Variants in PRRC2C observed in about 807,000 individuals in gnomAD.
PRRC2C encodes protein PRRC2C.
Under a neutral mutation model 317.2 loss-of-function variants are expected in PRRC2C, and 72 were observed. The ratio of observed to expected loss-of-function variants is 0.23; its 90% CI spans 0.19 to 0.28. The LOEUF is 0.28. Ranked by LOEUF, PRRC2C falls within the 10% of genes least tolerant of loss-of-function variation. The probability of loss-of-function intolerance (pLI) is 1.00; values close to 1 mark genes in which losing one functional copy is unlikely to be tolerated. For synonymous variants in PRRC2C, 1,296 were observed against 1,205.9 expected, an observed-to-expected ratio of 1.07 and a Z score of -1.55; for missense variants, 3,074 against 3,459.7, an observed-to-expected ratio of 0.89 and a Z score of 2.80.
intron 2 of PRRC2C, chr1:171,512,566 T>TGG (rs904988566): frequency 1.1e-5 from 3 of 270,588 alleles, no homozygotes; most frequent in African/African-American, 6.7e-5. Flanking sequence ...GTTTCGTGTG[T>TGG]GGGGGTGTGT....
In PRRC2C at chr1:171,540,788, C is replaced by T; in HGVS notation, c.3322C>T (p.Pro1108Ser). The T allele has an allele frequency of 6.2e-7, 1 of 1,613,884 alleles. No individual in the cohort carries two copies. Among genetic ancestry groups the T allele is most frequent in the Non-Finnish European group, 8.5e-7 (1 of 1,179,812 alleles). ...AQKPSQDTEK[P>S]LEPVSTVQVE... ...AAAACCATCTCAGGATACTGAGAAG[C>T]CTCTGGAACCTGTGAGTACTGTTCA... is the stretch of plus-strand genomic sequence containing the variant. Residue 1108 changes from proline to serine, a missense_variant, in exon 16 of 35, where the codon CCT becomes TCT. Coordinates refer to ENST00000647382, the MANE Select transcript of PRRC2C (RefSeq NM_001387844.1).
chr1:171,496,516 T>A (rs1668131001), intron 1 of PRRC2C, among the ~76,000 whole-genome samples: 1 of 152,042 alleles, frequency 6.6e-6, no homozygotes, highest in Non-Finnish European at 1.5e-5. Flanking sequence ...TTCTTGTTTT[T>A]TACAAGTTAC....
chr1:171,517,461 A>G (rs1453868543), intron 5 of PRRC2C, 130 bp from the exon 6 acceptor site: 1 of 809,570 alleles, frequency 1.2e-6, no homozygotes, highest in Non-Finnish European at 2.0e-6. Context: ...CATTAGTAGG[A>G]CCTGGATTAG....
intron 6 of PRRC2C, among the ~76,000 whole-genome samples, chr1:171,519,107 C>G (rs1673067953): frequency 1.3e-5 from 2 of 152,202 alleles, no homozygotes; most frequent in Admixed American, 1.3e-4. Flanking sequence ...TGGTCTTGAA[C>G]TCCTAACGTC....
intron 20 of PRRC2C, among the ~76,000 whole-genome samples, chr1:171,564,587 A>G (rs1683293033): frequency 6.6e-6 from 1 of 152,200 alleles, no homozygotes; most frequent in Non-Finnish European, 1.5e-5. Context: ...AACAACAGAG[A>G]TACGTCCTGA....
At chr1:171,570,676 T>G (rs1684636093) in intron 23 of PRRC2C, among the ~76,000 whole-genome samples, 1 of 152,244 alleles carries the variant, frequency 6.6e-6, no homozygotes, top group South Asian at 2.1e-4. Context: ...TTTGCCATAA[T>G]TATTACTATA....
chr1:171,493,010 A>G (rs1210250145), intron 1 of PRRC2C, among the ~76,000 whole-genome samples: 5 of 151,948 alleles, frequency 3.3e-5, no homozygotes, highest in Non-Finnish European at 1.5e-5. Context: ...CGCCCTCCCA[A>G]AGTGCTGGGA....
chr1:171,525,189 C>T (rs760488501), intron 10 of PRRC2C, among the ~76,000 whole-genome samples: 1 of 152,126 alleles, frequency 6.6e-6, no homozygotes, highest in Non-Finnish European at 1.5e-5. Flanking sequence ...ACTAAAGCTT[C>T]ACATTTTTTT....
chr1:171,524,933 G>A lies in PRRC2C; in HGVS notation c.1168G>A (p.Val390Ile). ...ACCTGCCCAACCATCAGTAGCAAAA[G>A]TTCCCTATGGGAAAGGACCTTCATT... ...QIPAQPSVAKVPYGKGPSFNQ... is the reference protein window; with the variant it reads ...QIPAQPSVAKIPYGKGPSFNQ... The change falls in exon 10 of 35, where the codon GTT (valine) becomes ATT (isoleucine). Residue 390 changes from valine (V) to isoleucine (I), a missense_variant. This residue lies in a region of PRRC2C where 1,320 missense variants were observed against 1,395.7 expected (regional missense o/e 0.95). Transcript: ENST00000647382. 6.2e-7 allele frequency: 1 copy of A among 1,610,532 alleles called. No individual in the cohort carries two copies. Among genetic ancestry groups the A allele is most frequent in the Non-Finnish European group, 8.5e-7 (1 of 1,178,064 alleles).
chr1:171,563,536 T>C (rs1020188341), intron 20 of PRRC2C, among the ~76,000 whole-genome samples: 1 of 152,122 alleles, frequency 6.6e-6, no homozygotes, highest in African/African-American at 2.4e-5. Context: ...GTCATTTTGC[T>C]ATAAAGGAGT....
Position 171,557,778 on chromosome 1 carries a change from T to A in PRRC2C, c.5666T>A (p.Val1889Asp). The A allele has an allele frequency of 6.5e-7, 1 of 1,549,798 alleles. No individual in the cohort carries two copies. Among genetic ancestry groups the A allele is most frequent in the Non-Finnish European group, 8.7e-7 (1 of 1,146,244 alleles). The change falls in exon 19 of 35, where the codon GTC (valine) becomes GAC (aspartate). Residue 1889 changes from valine (V) to aspartate (D), a missense_variant. Val to Asp is a radical substitution (Grantham distance 152). Around this residue, in one of 11 missense-constraint regions of PRRC2C, gnomAD observed 640 missense variants for 676.1 expected, o/e 0.95. Coordinates refer to ENST00000647382, the MANE Select transcript of PRRC2C (RefSeq NM_001387844.1). ...GCAGCCTCTTCCCCAGCTGCCCCAG[T>A]CATCACAGCACCAACTATCCCAGCC... ...APAASSPAAPVITAPTIPASA... is the reference protein window; with the variant it reads ...APAASSPAAPDITAPTIPASA...
chr1:171,506,416 T>C (rs1280523261), intron 1 of PRRC2C, among the ~76,000 whole-genome samples: 1 of 152,200 alleles, frequency 6.6e-6, no homozygotes, highest in East Asian at 1.9e-4. Flanking sequence ...TGATGGGCTT[T>C]GGTGTGGGTT....
In PRRC2C at chr1:171,583,971, T is replaced by C; in HGVS notation, c.7425T>C (p.Phe2475=). ...CCTTATGTAGATCTCAGCCAGCTTT[T>C]ATGCAAAGCAGTTTATCCCAGCCAT... ...SLQPYRSQPA[F]MQSSLSQPSV... The change falls in exon 29 of 35, where the codon TTT becomes TTC. Residue 2475 remains phenylalanine, a synonymous_variant. Transcript: ENST00000647382. 5.0e-6 allele frequency: 8 copies of C among 1,612,602 alleles called. No homozygotes were observed. Among genetic ancestry groups the C allele is most frequent in the Non-Finnish European group, 6.8e-6 (8 of 1,179,256 alleles).
In PRRC2C at chr1:171,583,963, C is replaced by A; in HGVS notation, c.7417C>A (p.Pro2473Thr). 1.2e-6 allele frequency: 2 copies of A among 1,608,744 alleles called. No homozygotes were observed. Among genetic ancestry groups the A allele is most frequent in the Non-Finnish European group, 1.7e-6 (2 of 1,177,248 alleles). The change falls in exon 29 of 35, where the codon CCA (proline) becomes ACA (threonine). Residue 2473 changes from proline (P) to threonine (T), a missense_variant. By Grantham distance (38) the Pro-to-Thr change is conservative. Around this residue, in one of 11 missense-constraint regions of PRRC2C, gnomAD observed 490 missense variants for 663.1 expected, o/e 0.74. Coordinates refer to ENST00000647382, the MANE Select transcript of PRRC2C (RefSeq NM_001387844.1). ...SSSLQPYRSQ[P>T]AFMQSSLSQP... ...TCTTTAATCCTTATGTAGATCTCAG[C>A]CAGCTTTTATGCAAAGCAGTTTATC...
intron 18 of PRRC2C, among the ~76,000 whole-genome samples, chr1:171,554,941 T>C (rs1681061388): frequency 6.6e-6 from 1 of 152,204 alleles, no homozygotes; most frequent in African/African-American, 2.4e-5. Flanking sequence ...TTATGTGTCT[T>C]GGGGTTACTC....
intron 10 of PRRC2C, among the ~76,000 whole-genome samples, chr1:171,526,878 C>T (rs1036660804): frequency 3.1e-5 from 4 of 130,720 alleles, no homozygotes; most frequent in African/African-American, 1.2e-4. Context: ...GCGTGATCTC[C>T]GCTCACTGCA....
intron 18 of PRRC2C, among the ~76,000 whole-genome samples, chr1:171,552,797 A>G (rs1474542876): frequency 1.3e-5 from 2 of 152,178 alleles, no homozygotes; most frequent in Admixed American, 6.5e-5. Context: ...TCAGCCTTGC[A>G]TCCTAGGGAT....
At chr1:171,554,724 T>G (rs555840493) in intron 18 of PRRC2C, among the ~76,000 whole-genome samples, 1 of 152,340 alleles carries the variant, frequency 6.6e-6, no homozygotes, top group Non-Finnish European at 1.5e-5. Flanking sequence ...CTTACGAAGC[T>G]TAGTTTGGCT....
At position 171,485,602 on chromosome 1, in the gene PRRC2C, A is replaced by G. The variant is rs1188406777; in HGVS notation, c.-191A>G. 1 of 152,688 alleles carries G rather than the reference A, an allele frequency of 6.5e-6. No individual in the cohort carries two copies. Among genetic ancestry groups the G allele is most frequent in the African/African-American group, 2.4e-5 (1 of 41,466 alleles). 9.5% of individuals were successfully genotyped at this position (152,688 alleles called of 1,614,324 possible). ...GCGAAAGTGCTTTGGCGGTTTGTCC[A>G]TCCGCAGCTTCGGCTTTTCCAGTCT... On this transcript the variant is annotated 5_prime_UTR_variant, in exon 1 of 35. Coordinates refer to ENST00000647382, the MANE Select transcript of PRRC2C (RefSeq NM_001387844.1).
Sources: allele counts gnomAD v4.1 joint callset (sites outside exome capture counted in the v4.1 genomes callset), GRCh38; gene constraint gnomAD v4.1.1; regional missense constraint gnomAD v4.1.1; transcripts MANE v1.5; gene names NCBI Gene and HGNC (gene_info 2026-07-23, HGNC 2026-07-21).